FNDC3B: variants seen among roughly 807,000 people sequenced by gnomAD.
FNDC3B encodes fibronectin type III domain containing 3B.
In FNDC3B, 12 loss-of-function variants were observed where a neutral mutation model predicts 151.5. The ratio of observed to expected loss-of-function variants is 0.08; its 90% CI spans 0.05 to 0.13. FNDC3B has a LOEUF of 0.13. Among genes scored for constraint, FNDC3B ranks in the 10% least tolerant of loss-of-function variants. The pLI, the probability that FNDC3B is intolerant of heterozygous loss-of-function variation, is 1.00. For missense variants in FNDC3B, 1,214 were observed against 1,505.3 expected, an observed-to-expected ratio of 0.81 and a Z score of 3.20; for synonymous variants, 528 against 549.0, an observed-to-expected ratio of 0.96 and a Z score of 0.54.
chr3:172,091,873 G>GGTGGGTGT (rs1553760107), intron 1 of FNDC3B, among the ~76,000 whole-genome samples: 1 of 124,756 alleles, frequency 8.0e-6, no homozygotes, highest in Admixed American at 8.4e-5. Context: ...ACTTTACTGG[G>GGTGGGTGT]GTGTGTGTGT....
At chr3:172,119,383 CAAAA>C (rs5854460) in intron 2 of FNDC3B, among the ~76,000 whole-genome samples, 1 of 131,912 alleles carries the variant, frequency 7.6e-6, no homozygotes, top group Non-Finnish European at 1.6e-5. Context: ...TGTGGCCTAC[CAAAA>C]AAAAAAAAAA....
chr3:172,367,753 C>T (rs1323477167), intron 23 of FNDC3B, among the ~76,000 whole-genome samples: 2 of 152,132 alleles, frequency 1.3e-5, no homozygotes, highest in East Asian at 1.9e-4. Flanking sequence ...AACACTGAGG[C>T]GGGAAGAACG....
chr3:172,075,325 C>G (rs149974838), intron 1 of FNDC3B, among the ~76,000 whole-genome samples: 119 of 152,256 alleles, frequency 7.8e-4, no homozygotes, highest in African/African-American at 2.8e-3. Flanking sequence ...GTGCTGGAGG[C>G]ATGATATTCT....
chr3:172,356,210 T>TCAGTGG (rs1328706117), intron 22 of FNDC3B, among the ~76,000 whole-genome samples: 1 of 152,192 alleles, frequency 6.6e-6, no homozygotes, highest in African/African-American at 2.4e-5. Context: ...TCTGGGTAGT[T>TCAGTGG]CAGTGGTAGC....
At chr3:172,222,337 G>A (rs1576811792) in intron 3 of FNDC3B, among the ~76,000 whole-genome samples, 1 of 152,162 alleles carries the variant, frequency 6.6e-6, no homozygotes, top group African/African-American at 2.4e-5. Context: ...TCTAAGACTT[G>A]TTTAAATGAT....
At chr3:172,222,520 C>T (rs765983785) in intron 3 of FNDC3B, among the ~76,000 whole-genome samples, 14 of 152,116 alleles carry the variant, frequency 9.2e-5, no homozygotes, top group Non-Finnish European at 1.9e-4. Flanking sequence ...GCACCAGGGA[C>T]CGTTTTTGTG....
intron 1 of FNDC3B, among the ~76,000 whole-genome samples, chr3:172,068,209 G>T (rs1717597581): frequency 6.6e-6 from 1 of 152,170 alleles, no homozygotes; most frequent in Non-Finnish European, 1.5e-5. Context: ...CAGAGGGCTT[G>T]TAAGTTCACC....
chr3:172,243,156 A>G (rs1201337032), intron 4 of FNDC3B, among the ~76,000 whole-genome samples: 3 of 152,226 alleles, frequency 2.0e-5, no homozygotes, highest in South Asian at 2.1e-4. Context: ...AGTCAAAGCC[A>G]TTCAAGTCTC....
At chr3:172,367,383 G>A (rs183972949) in intron 23 of FNDC3B, among the ~76,000 whole-genome samples, 301 of 152,116 alleles carry the variant, frequency 2.0e-3, no homozygotes, top group African/African-American at 6.5e-3. Context: ...CAAACAATAA[G>A]CAGACAGTAA....
rs1316688976 is a variant in FNDC3B, at chr3:172,317,115, C to CTT, written c.1254+6234_1254+6235insTT. The stretch of plus-strand genomic sequence containing the variant: ...GAGGATAGAGCCCTTGTGACCTAAT[C>CTT]ACCTTTTCAAGGAAAAAAAAATGAC... On this transcript the variant is annotated intron_variant, in intron 11 of 25. Coordinates refer to ENST00000415807, the MANE Select transcript of FNDC3B (RefSeq NM_022763.4). 2.0e-5 allele frequency: 9 copies of CTT among 444,698 alleles called. No homozygotes were observed. In the Admixed American group the frequency reaches 2.0e-4, roughly 10 times the overall value. 27.5% of individuals were successfully genotyped at this position (444,698 alleles called of 1,614,324 possible).
At chr3:172,292,032 A>C (rs1312233154) in intron 7 of FNDC3B, among the ~76,000 whole-genome samples, 1 of 152,216 alleles carries the variant, frequency 6.6e-6, no homozygotes, top group Non-Finnish European at 1.5e-5. Context: ...ATTCTCTTGA[A>C]AGACAGCATG....
At chr3:172,206,146 A>G (rs1414229920) in intron 3 of FNDC3B, among the ~76,000 whole-genome samples, 1 of 152,172 alleles carries the variant, frequency 6.6e-6, no homozygotes, top group South Asian at 2.1e-4. Flanking sequence ...TCAAGAGACT[A>G]TAGGGATGAT....
At chr3:172,261,592 G>A (rs1054072175) in intron 6 of FNDC3B, among the ~76,000 whole-genome samples, 1 of 151,948 alleles carries the variant, frequency 6.6e-6, no homozygotes, top group Non-Finnish European at 1.5e-5. Flanking sequence ...TTCAGTTTTT[G>A]GTGCTGTAGT....
At chr3:172,368,291 A>T (rs1252102588) in intron 23 of FNDC3B, among the ~76,000 whole-genome samples, 3 of 132,972 alleles carry the variant, frequency 2.3e-5, no homozygotes, top group Admixed American at 1.5e-4. Flanking sequence ...AAAAAAAAAA[A>T]GTCTGGAATA....
At chr3:172,244,617 C>CTTTTT (rs11294678) in intron 4 of FNDC3B, among the ~76,000 whole-genome samples, 1,631 of 73,114 alleles carry the variant, frequency 0.022, 88 homozygotes, top group South Asian at 0.029. Flanking sequence ...AATATTTCAC[C>CTTTTT]TTTTTTTTTT....
chr3:172,090,702 G>A (rs1445873523), intron 1 of FNDC3B, among the ~76,000 whole-genome samples: 1 of 152,114 alleles, frequency 6.6e-6, no homozygotes, highest in Admixed American at 6.5e-5. Flanking sequence ...AATACAGATT[G>A]AGTATCTGCA....
At chr3:172,055,152 T>TA (rs1469558380) in intron 1 of FNDC3B, among the ~76,000 whole-genome samples, 8 of 152,198 alleles carry the variant, frequency 5.3e-5, no homozygotes, top group African/African-American at 1.9e-4. Flanking sequence ...AGTTCATCTT[T>TA]AAAAAATCCT....
At chr3:172,214,549 A>C (rs1343901078) in intron 3 of FNDC3B, among the ~76,000 whole-genome samples, 1 of 145,942 alleles carries the variant, frequency 6.9e-6, no homozygotes, top group Non-Finnish European at 1.5e-5. Flanking sequence ...ACTCTGTTTT[A>C]TGGAATATTT....
intron 1 of FNDC3B, among the ~76,000 whole-genome samples, chr3:172,102,195 GA>G (rs2108524683): frequency 6.6e-6 from 1 of 152,222 alleles, no homozygotes; most frequent in African/African-American, 2.4e-5. Context: ...GTCTCTTTGG[GA>G]AAATTATTTC....
Sources: gnomAD v4.1 joint callset for allele counts (sites outside exome capture counted in the v4.1 genomes callset) on GRCh38, gnomAD v4.1.1 for gene constraint, MANE v1.5 for transcripts, NCBI Gene and HGNC (gene_info 2026-07-23, HGNC 2026-07-21) for gene names.